CEP164: variants seen among roughly 807,000 people sequenced by gnomAD.
CEP164 encodes the protein centrosomal protein of 164 kDa.
In CEP164, 162 loss-of-function variants were observed where a neutral mutation model predicts 182.7. That is an observed-to-expected ratio of 0.89 (90% CI 0.78 to 1.01). The LOEUF (loss-of-function observed/expected upper bound fraction) is 1.01, where lower values mean the gene tolerates loss of function less well. Among genes scored for constraint, CEP164 ranks in the 50% least tolerant of loss-of-function variants. The pLI, the probability that CEP164 is intolerant of heterozygous loss-of-function variation, is 0.00. For synonymous variants in CEP164, 661 were observed against 690.0 expected, an observed-to-expected ratio of 0.96 and a Z score of 0.66; for missense variants, 1,735 against 1,790.4, an observed-to-expected ratio of 0.97 and a Z score of 0.56.
chr11:117,372,443 T>G (rs1324416784), intron 9 of CEP164, among the ~76,000 whole-genome samples: 6 of 145,964 alleles, frequency 4.1e-5, no homozygotes, highest in African/African-American at 1.5e-4. Flanking sequence ...TTGAGATGGA[T>G]TTTCACTCTT....
chr11:117,355,779 CAG>C, intron 5 of CEP164: 1 of 1,112,142 alleles, frequency 9.0e-7, no homozygotes, highest in South Asian at 2.4e-5. Context: ...TGCAAGGAAA[CAG>C]AGCCCAGTGA....
At chr11:117,402,925 C>A (rs1470830484) in intron 27 of CEP164, among the ~76,000 whole-genome samples, 4 of 152,164 alleles carry the variant, frequency 2.6e-5, no homozygotes, top group Non-Finnish European at 5.9e-5. Context: ...TTATGTAATG[C>A]CCTTCTTTGT....
At chr11:117,378,849 T>A (rs1565533758) in intron 11 of CEP164, among the ~76,000 whole-genome samples, 1 of 152,256 alleles carries the variant, frequency 6.6e-6, no homozygotes, top group Non-Finnish European at 1.5e-5. Flanking sequence ...AAAGCCATGG[T>A]CTGCAGCCAG....
intron 9 of CEP164, 69 bp downstream of exon 9, chr11:117,371,535 G>A: frequency 6.6e-7 from 1 of 1,510,452 alleles, no homozygotes; most frequent in Non-Finnish European, 8.8e-7. Context: ...CCCTGGGCAG[G>A]GTCCTATCCC....
intron 14 of CEP164, chr11:117,385,659 T>C (rs931048267): frequency 6.6e-6 from 1 of 152,182 alleles, no homozygotes; most frequent in Admixed American, 6.6e-5. Flanking sequence ...CGGAGAGCTG[T>C]GGGGGAAGCC....
At chr11:117,332,473 G>A (rs537609778) in intron 1 of CEP164, among the ~76,000 whole-genome samples, 2 of 152,298 alleles carry the variant, frequency 1.3e-5, no homozygotes, top group East Asian at 3.9e-4. Flanking sequence ...CTACTCAGGA[G>A]GCTGAGGCAG....
At chr11:117,365,151 G>T (rs541271385) in intron 8 of CEP164, among the ~76,000 whole-genome samples, 1 of 152,328 alleles carries the variant, frequency 6.6e-6, no homozygotes, top group African/African-American at 2.4e-5. Flanking sequence ...GGGTGTCAGA[G>T]GACTTATTTG....
At chr11:117,333,370 T>G (rs1463587371) in intron 1 of CEP164, among the ~76,000 whole-genome samples, 1 of 152,126 alleles carries the variant, frequency 6.6e-6, no homozygotes, top group Non-Finnish European at 1.5e-5. Context: ...AGGTTACCAT[T>G]GCCTCTTACC....
chr11:117,371,290 A>C lies in CEP164; in HGVS notation c.976A>C (p.Asn326His). The C allele has an allele frequency of 6.2e-7, 1 of 1,614,214 alleles. No individual in the cohort carries two copies. Among genetic ancestry groups the C allele is most frequent in the Non-Finnish European group, 8.5e-7 (1 of 1,180,032 alleles). The change falls in exon 9 of 33, where the codon AAT (asparagine) becomes CAT (histidine). Residue 326 changes from asparagine (N) to histidine (H), a missense_variant. Coordinates refer to ENST00000278935, the MANE Select transcript of CEP164 (RefSeq NM_014956.5). ...NEKSEPKICR[N>H]LVTPKADPTG... ...GAAGAGTGAACCTAAGATTTGCAGG[A>C]ATCTGGTGACCCCCAAGGCAGACCC...
intron 8 of CEP164, among the ~76,000 whole-genome samples, chr11:117,369,757 T>A (rs943258013): frequency 3.3e-5 from 5 of 152,244 alleles, no homozygotes; most frequent in African/African-American, 1.2e-4. Flanking sequence ...GCAGAGATTA[T>A]TGGCTGTATT....
In CEP164 at chr11:117,391,022, A is replaced by G. The variant is rs1226953865; in HGVS notation, c.2090A>G (p.Gln697Arg). The part of the protein sequence containing the change: ...QIRAEQEASL[Q>R]KLREELESQQ... ...AGGGCTGAGCAAGAGGCTTCCCTGC[A>G]GAAACTGAGAGAAGAGTTGGAGTCT... Residue 697 changes from glutamine to arginine, a missense_variant, in exon 17 of 33, where the codon CAG becomes CGG. Gln to Arg is a conservative substitution (Grantham distance 43). Coordinates refer to ENST00000278935, the MANE Select transcript of CEP164 (RefSeq NM_014956.5). The G allele has an allele frequency of 6.2e-7, 1 of 1,614,178 alleles. No individual in the cohort carries two copies. Among genetic ancestry groups the G allele is most frequent in the Non-Finnish European group, 8.5e-7 (1 of 1,180,034 alleles).
At chr11:117,408,411 C>CT in intron 28 of CEP164, 1 of 230,020 alleles carries the variant, frequency 4.3e-6, no homozygotes, top group Non-Finnish European at 8.7e-6. Context: ...TCCTAGATGT[C>CT]TGAGGCTTAG....
chr11:117,328,636 T>A (rs1237147861), intron 1 of CEP164, among the ~76,000 whole-genome samples: 2 of 152,204 alleles, frequency 1.3e-5, no homozygotes, highest in Non-Finnish European at 2.9e-5. Flanking sequence ...TCAGACCTGC[T>A]TACTGTCATC....
chr11:117,379,259 G>A (rs1371717610), intron 11 of CEP164, among the ~76,000 whole-genome samples: 1 of 152,216 alleles, frequency 6.6e-6, no homozygotes, highest in African/African-American at 2.4e-5. Flanking sequence ...ATTTGGGGGA[G>A]CTGGGTTTTA....
intron 4 of CEP164, among the ~76,000 whole-genome samples, chr11:117,345,176 A>G (rs1343233285): frequency 1.3e-5 from 2 of 152,114 alleles, no homozygotes; most frequent in Non-Finnish European, 2.9e-5. Flanking sequence ...AGGAGCAGTG[A>G]TTCACTCAGT....
At chr11:117,340,017 G>GT (rs535763837) in intron 3 of CEP164, among the ~76,000 whole-genome samples, 44 of 150,338 alleles carry the variant, frequency 2.9e-4, no homozygotes, top group East Asian at 3.9e-4. Flanking sequence ...TTTGTTCTTT[G>GT]TTTTTTTTTG....
upstream of CEP164, among the ~76,000 whole-genome samples, chr11:117,326,905 C>G (rs680908): frequency 0.037 from 5,701 of 152,254 alleles, 185 homozygotes; most frequent in Non-Finnish European, 0.058. Flanking sequence ...TTTCTTTGCC[C>G]CTCTTAACTT....
chr11:117,345,384 T>C (rs1364937361), intron 4 of CEP164, among the ~76,000 whole-genome samples: 2 of 152,192 alleles, frequency 1.3e-5, no homozygotes, highest in Non-Finnish European at 2.9e-5. Flanking sequence ...CTTGCATTGC[T>C]CTTCCTAATC....
chr11:117,328,448 T>C lies in CEP164; in HGVS notation c.-98+544T>C, dbSNP rs191982380. On this transcript the variant is annotated intron_variant, in intron 1 of 32. Transcript: ENST00000278935. Reference sequence around the variant, plus strand: ...CCTTTTCTTGCATTGGATTTAAAAATGTCCCTCTACCTCTGGCACCGCTCT... The same window carrying C: ...CCTTTTCTTGCATTGGATTTAAAAACGTCCCTCTACCTCTGGCACCGCTCT... Among the ~76,000 whole-genome samples, 255 of 152,346 alleles carry C rather than the reference T, an allele frequency of 1.7e-3. 9 individuals carry two copies. In the South Asian group the frequency reaches 0.039, roughly 23 times the overall value.
Sources: gnomAD v4.1 joint callset for allele counts (sites outside exome capture counted in the v4.1 genomes callset) on GRCh38, gnomAD v4.1.1 for gene constraint, MANE v1.5 for transcripts, NCBI Gene and HGNC (gene_info 2026-07-23, HGNC 2026-07-21) for gene names.